USP37: variants seen among roughly 807,000 people sequenced by gnomAD.
USP37 encodes ubiquitin carboxyl-terminal hydrolase 37.
USP37 carries 27 observed loss-of-function variants against 124.0 expected under a neutral mutation model. That is an observed-to-expected ratio of 0.22 (90% CI 0.16 to 0.30). USP37 has a LOEUF of 0.30. Among genes scored for constraint, USP37 ranks in the 10% least tolerant of loss-of-function variants. The pLI is 1.00. For missense variants in USP37, 889 were observed against 1,140.4 expected (o/e 0.78, Z 3.17); for synonymous variants, 365 against 388.0 (o/e 0.94, Z 0.70).
At chr2:218,492,051 A>G (rs1223843406) in intron 14 of USP37, among the ~76,000 whole-genome samples, 6 of 152,102 alleles carry the variant, frequency 3.9e-5, no homozygotes, top group Non-Finnish European at 8.8e-5. Context: ...AATCAAAAAA[A>G]TTAGCCAGGC....
Position 218,543,397 on chromosome 2 carries a change from G to A in USP37, c.680+2824C>T, listed in dbSNP as rs1406697637. On this transcript the variant is annotated intron_variant, in intron 8 of 25. Transcript: ENST00000258399. ...CACGCCTGTAATCCCAGCTACTTGG[G>A]AAGCTGAGGCAGGAGAATCACTTGA... is the stretch of plus-strand genomic sequence containing the variant. Among the ~76,000 whole-genome samples the A allele has an allele frequency of 8.6e-5, 13 of 151,024 alleles. No individual in the cohort carries two copies. In the East Asian group the frequency reaches 2.2e-3, roughly 25 times the overall value.
intron 3 of USP37, among the ~76,000 whole-genome samples, chr2:218,559,890 G>A (rs116055644): frequency 0.016 from 2,364 of 152,156 alleles, 62 homozygotes; most frequent in African/African-American, 0.054. Flanking sequence ...TGAGATGGGA[G>A]GATCACCTGA....
intron 8 of USP37, among the ~76,000 whole-genome samples, chr2:218,543,972 G>A (rs1204150005): frequency 1.3e-5 from 2 of 152,168 alleles, no homozygotes; most frequent in Non-Finnish European, 2.9e-5. Flanking sequence ...AGTCAGTTTT[G>A]TAGAAAGTAA....
intron 1 of USP37, among the ~76,000 whole-genome samples, chr2:218,564,799 C>T (rs928896826): frequency 2.6e-5 from 4 of 152,186 alleles, no homozygotes; most frequent in Admixed American, 2.6e-4. Flanking sequence ...TAGCTCATCA[C>T]TACCTAGAAA....
intron 8 of USP37, among the ~76,000 whole-genome samples, chr2:218,535,530 G>A (rs1691582222): frequency 6.6e-6 from 1 of 151,786 alleles, no homozygotes; most frequent in African/African-American, 2.4e-5. Context: ...TGGCCAACGT[G>A]GGAAACCCCA....
chr2:218,561,991 T>A (rs1333373213), intron 2 of USP37, among the ~76,000 whole-genome samples: 2 of 152,206 alleles, frequency 1.3e-5, no homozygotes, highest in Non-Finnish European at 1.5e-5. Context: ...TAATTTCTTC[T>A]CCTGGCTCTA....
intron 20 of USP37, among the ~76,000 whole-genome samples, chr2:218,467,900 T>G (rs1690447113): frequency 1.3e-5 from 2 of 151,868 alleles, no homozygotes; most frequent in South Asian, 2.1e-4. Flanking sequence ...TGTTTTTTTT[T>G]TTTTTAAGAC....
intron 11 of USP37, chr2:218,501,112 C>G (rs1162498685): frequency 6.6e-6 from 1 of 151,002 alleles, no homozygotes; most frequent in African/African-American, 2.4e-5. Flanking sequence ...AATCTTGGCT[C>G]CCTGCAACCT....
Position 218,544,406 on chromosome 2 carries a change from A to AATAT in USP37, c.680+1811_680+1814dup, listed in dbSNP as rs1198499526. On this transcript the variant is annotated intron_variant, in intron 8 of 25. Coordinates refer to ENST00000258399, the MANE Select transcript of USP37 (RefSeq NM_020935.3). Reference sequence around the variant, plus strand: ...TTTCACAAAAAAAAAAAAAAAAAAAAATATATATATATATATATATATATA... The same window carrying AATAT: ...TTTCACAAAAAAAAAAAAAAAAAAAAATATATATATATATATATATATATATATA... Among the ~76,000 whole-genome samples, 207 of 82,938 alleles carry AATAT rather than the reference A, an allele frequency of 2.5e-3. 1 individual carries two copies. The highest frequency in any genetic ancestry group is 9.9e-3 in the East Asian group (24 of 2,434). The allele number at this position is 82,938 out of a possible 152,430, so 54.4% of individuals were successfully genotyped here. A position where few individuals can be genotyped will look rare whatever the true frequency, so the allele number is the denominator to read the frequency against.
At chr2:218,464,728 C>T (rs1364675451) in intron 21 of USP37, among the ~76,000 whole-genome samples, 1 of 152,156 alleles carries the variant, frequency 6.6e-6, no homozygotes, top group Non-Finnish European at 1.5e-5. Flanking sequence ...TTTCAGGTGA[C>T]TGTAACAGTG....
At chr2:218,497,068 T>G (rs1689121744) in intron 13 of USP37, among the ~76,000 whole-genome samples, 2 of 152,066 alleles carry the variant, frequency 1.3e-5, no homozygotes, top group South Asian at 4.1e-4. Context: ...CGTTATTTAT[T>G]TGTTTTATTT....
At chr2:218,512,627 T>C (rs1436862693) in intron 10 of USP37, among the ~76,000 whole-genome samples, 1 of 152,164 alleles carries the variant, frequency 6.6e-6, no homozygotes, top group East Asian at 1.9e-4. Flanking sequence ...AACACTTGTG[T>C]AAATAACCTT....
At chr2:218,512,391 C>T (rs947796304) in intron 10 of USP37, among the ~76,000 whole-genome samples, 2 of 152,048 alleles carry the variant, frequency 1.3e-5, no homozygotes, top group Admixed American at 1.3e-4. Flanking sequence ...CCAGTAGTCC[C>T]CAGCTACTTG....
At position 218,474,770 on chromosome 2, in the gene USP37, G is replaced by T. The variant is rs1014549746; in HGVS notation, c.2159C>A (p.Ala720Asp). 2.5e-6 allele frequency: 4 copies of T among 1,614,016 alleles called. No homozygotes were observed. Among genetic ancestry groups the T allele is most frequent in the Non-Finnish European group, 2.5e-6 (3 of 1,180,010 alleles). ...ATCTTCATGACTCAGAGATGGTGAAGCATCTCTCTTACTTATCTCCAAGAC... is the reference window on the plus strand; with the variant it reads ...ATCTTCATGACTCAGAGATGGTGAATCATCTCTCTTACTTATCTCCAAGAC... ...AAVLEISKRD[A>D]SPSLSHEDDD... Residue 720 changes from alanine (A) to aspartate (D), a missense_variant, in exon 20 of 26, where the codon GCT (alanine) becomes GAT (aspartate). Physicochemically the swap from Ala to Asp is moderately radical, Grantham distance 126. This residue lies in a region of USP37 where 504 missense variants were observed against 714.3 expected (regional missense o/e 0.71). Transcript: ENST00000258399.
At chr2:218,555,441 A>C (rs1387662837) in intron 4 of USP37, among the ~76,000 whole-genome samples, 1 of 152,234 alleles carries the variant, frequency 6.6e-6, no homozygotes, top group African/African-American at 2.4e-5. Flanking sequence ...GAAATTCTCT[A>C]GGAAAACACA....
chr2:218,567,274 T>C (rs559942782), intron 1 of USP37, among the ~76,000 whole-genome samples: 2 of 152,332 alleles, frequency 1.3e-5, no homozygotes, highest in African/African-American at 2.4e-5. Flanking sequence ...ATGACTTTTT[T>C]CATGGCTTGC....
chr2:218,566,305 A>G (rs1693591991), intron 1 of USP37, among the ~76,000 whole-genome samples: 1 of 152,236 alleles, frequency 6.6e-6, no homozygotes, highest in Non-Finnish European at 1.5e-5. Context: ...ATTAAAAGCA[A>G]TGTGGCTACA....
chr2:218,529,545 T>C (rs1019624813), intron 10 of USP37, among the ~76,000 whole-genome samples: 4 of 151,686 alleles, frequency 2.6e-5, no homozygotes, highest in African/African-American at 4.8e-5. Context: ...CTTATAACCC[T>C]AGCACTTTGG....
chr2:218,526,330 C>A (rs980744998), intron 10 of USP37, among the ~76,000 whole-genome samples: 10 of 152,078 alleles, frequency 6.6e-5, no homozygotes, highest in African/African-American at 2.4e-4. Flanking sequence ...CTCCCAGGTT[C>A]AAGTGATTCT....
Sources: gnomAD v4.1 joint callset for allele counts (sites outside exome capture counted in the v4.1 genomes callset) on GRCh38, gnomAD v4.1.1 for gene constraint, gnomAD v4.1.1 regional missense constraint, MANE v1.5 for transcripts, NCBI Gene and HGNC (gene_info 2026-07-23, HGNC 2026-07-21) for gene names.